ATP13A4: variants seen among roughly 807,000 people sequenced by gnomAD.
ATP13A4 encodes ATPase 13A4.
ATP13A4 carries 114 observed loss-of-function variants against 142.5 expected under a neutral mutation model. The observed-to-expected ratio is 0.80, with a 90% CI of 0.69 to 0.93. The LOEUF (loss-of-function observed/expected upper bound fraction) is 0.93, where lower values mean the gene tolerates loss of function less well. ATP13A4 is among the 40% of genes least tolerant of loss of function. The pLI, the probability that ATP13A4 is intolerant of heterozygous loss-of-function variation, is 0.00. For missense variants in ATP13A4, 1,392 were observed against 1,454.0 expected (o/e 0.96, Z 0.69); for synonymous variants, 488 against 514.8 (o/e 0.95, Z 0.70).
chr3:193,556,354 A>G (rs1318847194), upstream of ATP13A4, among the ~76,000 whole-genome samples: 2 of 152,166 alleles, frequency 1.3e-5, no homozygotes, highest in South Asian at 2.1e-4. Context: ...GACCAAGATC[A>G]ATGTGTGCAT....
chr3:193,435,580 G>T, intron 24 of ATP13A4, 68 bp downstream of exon 24: 1 of 1,236,718 alleles, frequency 8.1e-7, no homozygotes, highest in Non-Finnish European at 1.2e-6. Context: ...GAGAGGCATT[G>T]TAAATTGAGA....
intron 5 of ATP13A4, among the ~76,000 whole-genome samples, chr3:193,492,356 C>T (rs1719988896): frequency 6.6e-6 from 1 of 152,126 alleles, no homozygotes; most frequent in Admixed American, 6.5e-5. Flanking sequence ...GGTATTTGTT[C>T]AAAGCCCACA....
chr3:193,458,796 A>G (rs1422230502), intron 14 of ATP13A4: 1 of 598,464 alleles, frequency 1.7e-6, no homozygotes, highest in Non-Finnish European at 3.0e-6. Context: ...CATAATAAGT[A>G]CAATTATATT....
intron 2 of ATP13A4, among the ~76,000 whole-genome samples, chr3:193,506,942 C>T (rs1188203405): frequency 2.6e-5 from 4 of 152,102 alleles, no homozygotes; most frequent in Admixed American, 6.6e-5. Context: ...TTATTAGCAG[C>T]GTGAGAACAG....
chr3:193,543,180 G>A (rs1472292912), intron 1 of ATP13A4, among the ~76,000 whole-genome samples: 21 of 127,458 alleles, frequency 1.6e-4, no homozygotes, highest in East Asian at 2.3e-4. Context: ...AAAAAAAAAA[G>A]CCTAGAAGAA....
Position 193,454,209 on chromosome 3 carries a change from G to A in ATP13A4, c.1919C>T (p.Pro640Leu). Residue 640 changes from proline (P) to leucine (L), a missense_variant, in exon 17 of 30, where the codon CCC (proline) becomes CTC (leucine). Physicochemically the swap from Pro to Leu is moderately conservative, Grantham distance 98. Coordinates refer to ENST00000342695, the MANE Select transcript of ATP13A4 (RefSeq NM_032279.4). ...VASFCQPETV[P>L]TSFVSELQIY... Reference sequence around the variant, plus strand: ...CTGAAGTTCGCTAACAAAACTAGTGGGTACTGTTTAGAAAGAAACACAGGG... The same window carrying A: ...CTGAAGTTCGCTAACAAAACTAGTGAGTACTGTTTAGAAAGAAACACAGGG... 1 of 1,607,756 alleles carries A rather than the reference G, an allele frequency of 6.2e-7. No homozygotes were observed. Among genetic ancestry groups the A allele is most frequent in the Non-Finnish European group, 8.5e-7 (1 of 1,174,334 alleles).
intron 1 of ATP13A4, among the ~76,000 whole-genome samples, chr3:193,537,678 C>T (rs1722658503): frequency 6.6e-6 from 1 of 152,152 alleles, no homozygotes; most frequent in South Asian, 2.1e-4. Context: ...GAGAAAACAT[C>T]TGTAAACCAC....
chr3:193,410,623 G>A (rs937933262), intron 28 of ATP13A4, among the ~76,000 whole-genome samples: 7 of 152,184 alleles, frequency 4.6e-5, no homozygotes, highest in African/African-American at 1.7e-4. Context: ...GGAGGCTGAA[G>A]TGGGAGAATT....
At chr3:193,562,066 T>C (rs1038609752) in intron 2 of ATP13A4, among the ~76,000 whole-genome samples, 2 of 152,262 alleles carry the variant, frequency 1.3e-5, no homozygotes, top group African/African-American at 2.4e-5. Context: ...TCATATCTCA[T>C]TGACCCCAGA....
At position 193,410,990 on chromosome 3, in the gene ATP13A4, G is replaced by A. The variant is rs765075604; in HGVS notation, c.3289C>T (p.Arg1097Cys). The A allele has an allele frequency of 1.4e-5, 23 of 1,597,460 alleles. No homozygotes were observed. Among genetic ancestry groups the A allele is most frequent in the Admixed American group, 1.0e-4 (6 of 59,930 alleles). ...LFADIPELYR[R>C]LDLLCTPVLW... ...CCAAAGATTAGACTTACATCCAAAC[G>A]TCTATATAATTCTGGTATATCAGCA... The change falls in exon 28 of 30, where the codon CGT (arginine) becomes TGT (cysteine). Residue 1097 changes from arginine to cysteine, a missense_variant. Transcript: ENST00000342695.
chr3:193,510,153 AG>A (rs767402129), intron 2 of ATP13A4, among the ~76,000 whole-genome samples: 1 of 152,114 alleles, frequency 6.6e-6, no homozygotes, highest in Non-Finnish European at 1.5e-5. Flanking sequence ...GGAGGAGAGG[AG>A]GTAAGCGACC....
intron 1 of ATP13A4, among the ~76,000 whole-genome samples, chr3:193,589,606 C>T (rs1034139082): frequency 6.6e-6 from 1 of 152,146 alleles, no homozygotes; most frequent in Non-Finnish European, 1.5e-5. Flanking sequence ...GTGAATTGCT[C>T]AATTCCCAGC....
rs1715396593 is a variant in ATP13A4, at chr3:193,421,460, T to C, written c.2843-6710A>G. Among the ~76,000 whole-genome samples, 2 of 149,692 alleles carry C rather than the reference T, an allele frequency of 1.3e-5. 1 individual carries two copies. Among genetic ancestry groups the C allele is most frequent in the Admixed American group, 1.4e-4 (2 of 14,374 alleles). ...GAAGGACACTACAAATATAAAAACA[T>C]ATGAAAGTATAAAATTCACTGATGA... On this transcript the variant is annotated intron_variant, in intron 25 of 29. Coordinates refer to ENST00000342695, the MANE Select transcript of ATP13A4 (RefSeq NM_032279.4).
intron 5 of ATP13A4, among the ~76,000 whole-genome samples, chr3:193,491,791 A>G (rs1427078256): frequency 6.6e-6 from 1 of 152,172 alleles, no homozygotes; most frequent in Non-Finnish European, 1.5e-5. Flanking sequence ...TTTTATTGAT[A>G]AGGAAATGCT....
chr3:193,505,884 C>T (rs892195375), intron 2 of ATP13A4, among the ~76,000 whole-genome samples: 1 of 152,202 alleles, frequency 6.6e-6, no homozygotes, highest in Admixed American at 6.5e-5. Flanking sequence ...CAAATCCCAG[C>T]TCTAAACTGT....
chr3:193,556,095 A>C (rs1723876670), upstream of ATP13A4, among the ~76,000 whole-genome samples: 1 of 152,178 alleles, frequency 6.6e-6, no homozygotes, highest in Admixed American at 6.5e-5. Flanking sequence ...GGACTGTACT[A>C]GGTGGTCGTT....
At chr3:193,442,313 G>A (rs1182779068) in intron 19 of ATP13A4, 80 bp downstream of exon 19, 5 of 1,428,294 alleles carry the variant, frequency 3.5e-6, no homozygotes, top group Non-Finnish European at 4.9e-6. Flanking sequence ...AGCATATGTT[G>A]ACTCTAGGTC....
chr3:193,450,858 G>A lies in ATP13A4; in HGVS notation c.2028-2528C>T, dbSNP rs1157638110. 1.3e-5 allele frequency among the ~76,000 whole-genome samples: 2 copies of A among 152,148 alleles called. 1 individual carries two copies. The highest frequency in any genetic ancestry group is 4.8e-5 in the African/African-American group (2 of 41,430). On this transcript the variant is annotated intron_variant, in intron 17 of 29. Transcript: ENST00000342695. ...GAGCTGAGGCCCTGAGTTGTGAGGT[G>A]GATGAAGGTTGCTGGGTGGAGGTCA...
intron 2 of ATP13A4, among the ~76,000 whole-genome samples, chr3:193,561,238 G>T (rs1044520487): frequency 6.6e-6 from 1 of 152,216 alleles, no homozygotes; most frequent in African/African-American, 2.4e-5. Context: ...AGAGAGCAAC[G>T]CTGGGCTGGA....
Sources: allele counts gnomAD v4.1 joint callset (sites outside exome capture counted in the v4.1 genomes callset), GRCh38; gene constraint gnomAD v4.1.1; transcripts MANE v1.5; gene names NCBI Gene and HGNC (gene_info 2026-07-23, HGNC 2026-07-21).